MCF2L: variants seen among roughly 807,000 people sequenced by gnomAD.
MCF2L encodes guanine nucleotide exchange factor DBS.
A neutral mutation model predicts 153.4 loss-of-function variants in MCF2L; 97 were observed. The observed-to-expected ratio is 0.63, with a 90% CI of 0.54 to 0.75. The LOEUF (loss-of-function observed/expected upper bound fraction) is 0.75. Among genes scored for constraint, MCF2L ranks in the 30% least tolerant of loss-of-function variants. MCF2L has a pLI of 0.00. For missense variants in MCF2L, 1,347 were observed against 1,495.2 expected (o/e 0.90, Z 1.64); for synonymous variants, 659 against 632.2 (o/e 1.04, Z -0.64).
In MCF2L at chr13:113,023,882, G is replaced by A. The variant is rs1375500751; in HGVS notation, c.164-762G>A. Among the ~76,000 whole-genome samples, 11 of 152,368 alleles carry A rather than the reference G, an allele frequency of 7.2e-5. No homozygotes were observed. The East Asian group carries it at 2.1e-3, about 29-fold the overall frequency. On this transcript the variant is annotated intron_variant, in intron 2 of 29. Coordinates refer to ENST00000535094, the MANE Select transcript of MCF2L (RefSeq NM_001112732.3). ...GGGTACTGGCCTCCTCAGAGCAGGT[G>A]GATGCAGGGTCGTGGGACCACCTGC...
At chr13:113,081,325 G>T in intron 16 of MCF2L, 46 bp downstream of exon 16, 1 of 1,528,564 alleles carries the variant, frequency 6.5e-7, no homozygotes. Flanking sequence ...GGACTCCCCT[G>T]GGCCAGCTGG....
At chr13:112,989,623 C>T (rs867218313) in intron 1 of MCF2L, among the ~76,000 whole-genome samples, 2 of 40,594 alleles carry the variant, frequency 4.9e-5, no homozygotes, top group African/African-American at 1.5e-4. Flanking sequence ...GGAGCTACCA[C>T]GCCCGAGTCC....
chr13:113,000,043 G>A (rs186748059), intron 1 of MCF2L, among the ~76,000 whole-genome samples: 2 of 152,268 alleles, frequency 1.3e-5, no homozygotes, highest in East Asian at 3.9e-4. Context: ...GGGCTGAGGT[G>A]CAGGTGGCAG....
At chr13:112,986,043 G>C (rs932573209) in intron 1 of MCF2L, among the ~76,000 whole-genome samples, 1 of 152,238 alleles carries the variant, frequency 6.6e-6, no homozygotes, top group Non-Finnish European at 1.5e-5. Context: ...CCGTGCGTGG[G>C]GCTGAGCAGG....
Position 113,028,046 on chromosome 13 carries a change from G to A in MCF2L, c.278+3288G>A, listed in dbSNP as rs1301437643. On this transcript the variant is annotated intron_variant, in intron 3 of 29. Transcript: ENST00000535094. The surrounding 1 kb of genome is among the most constrained non-coding windows in gnomAD (Gnocchi z 5.4). ...ATGGGGCTAAATGAGATTCTGTGGTGTCCACACTGAATGCTGACTGGTCAG... is the reference window on the plus strand; with the variant it reads ...ATGGGGCTAAATGAGATTCTGTGGTATCCACACTGAATGCTGACTGGTCAG... Among the ~76,000 whole-genome samples, 1 of 152,204 alleles carries A rather than the reference G, an allele frequency of 6.6e-6. No individual in the cohort carries two copies. The highest frequency in any genetic ancestry group is 6.5e-5 in the Admixed American group (1 of 15,280).
At chr13:112,953,615 C>T (rs2081721156) in intron 2 of MCF2L, among the ~76,000 whole-genome samples, 1 of 152,236 alleles carries the variant, frequency 6.6e-6, no homozygotes, top group Non-Finnish European at 1.5e-5. Context: ...GCAGACTTCA[C>T]CTGTGGCCGG....
Position 113,064,434 on chromosome 13 carries a change from G to A in MCF2L, c.606+14G>A, listed in dbSNP as rs1457503527. 1 of 1,553,972 alleles carries A rather than the reference G, an allele frequency of 6.4e-7. No homozygotes were observed. The highest frequency in any genetic ancestry group is 8.9e-7 in the Non-Finnish European group (1 of 1,128,714). On this transcript the variant is annotated intron_variant, in intron 6 of 29. Coordinates refer to ENST00000535094, the MANE Select transcript of MCF2L (RefSeq NM_001112732.3). This position sits in a 1 kb window ranked among gnomAD's most constrained non-coding sequence, Gnocchi z 6.0. ...TGCCAGCGCACGGTGAGCCGCGTCG[G>A]GGCCAGCGGGGCTGGCTGATACCAG... is the stretch of plus-strand genomic sequence containing the variant.
At position 112,941,363 on chromosome 13, in the gene MCF2L, AAT is replaced by A. The variant is rs914857498; in HGVS notation, c.169+39001_169+39002del. ...ATAATTCAAATAGAAATTATATCAA[AAT>A]ATATATATTTGAATATATTATATAA... On this transcript the variant is annotated intron_variant, in intron 2 of 29. Coordinates refer to the MCF2L transcript ENST00000375608. This position sits in a 1 kb window ranked among gnomAD's most constrained non-coding sequence, Gnocchi z 4.9. Among the ~76,000 whole-genome samples, 53 of 149,072 alleles carry A rather than the reference AAT, an allele frequency of 3.6e-4. No individual in the cohort carries two copies. Among genetic ancestry groups the A allele is most frequent in the Non-Finnish European group, 7.1e-4 (48 of 67,420 alleles).
chr13:112,985,389 G>A (rs530835825), intron 1 of MCF2L: 1 of 470,992 alleles, frequency 2.1e-6, no homozygotes, highest in Non-Finnish European at 4.4e-6. Flanking sequence ...CGCCATGGGG[G>A]ACGGAAAGGC....
chr13:112,936,279 CAAAAAAA>C (rs34826552), intron 2 of MCF2L, among the ~76,000 whole-genome samples: 9 of 74,278 alleles, frequency 1.2e-4, no homozygotes, highest in Middle Eastern at 6.0e-3. Flanking sequence ...GACTCTGTCT[CAAAAAAA>C]AAAAAAAAAA....
At chr13:112,934,074 A>G (rs558367998) in intron 2 of MCF2L, among the ~76,000 whole-genome samples, 8 of 152,250 alleles carry the variant, frequency 5.3e-5, no homozygotes, top group Non-Finnish European at 1.0e-4. Flanking sequence ...CTTTAAAGGT[A>G]TAAGGAAACC....
In MCF2L at chr13:113,020,906, GTA is replaced by G. The variant is rs1457162289; in HGVS notation, c.164-3736_164-3735del. Among the ~76,000 whole-genome samples the G allele has an allele frequency of 4.0e-5, 6 of 151,898 alleles. No individual in the cohort carries two copies. In the East Asian group the frequency reaches 5.8e-4, roughly 15 times the overall value. On this transcript the variant is annotated intron_variant, in intron 2 of 29. Transcript: ENST00000535094. ...TAGATGTGTGTATGTGTAGATGTGT[GTA>G]TGTGTGTGTATGTGTAGTGTGTATG...
intron 2 of MCF2L, among the ~76,000 whole-genome samples, chr13:112,937,961 A>G (rs879527668): frequency 0.039 from 159 of 4,088 alleles, no homozygotes; most frequent in South Asian, 0.062. Flanking sequence ...TATTCAGGTG[A>G]TCTCTGAGTG....
intron 2 of MCF2L, among the ~76,000 whole-genome samples, chr13:112,921,535 T>C (rs2081352992): frequency 6.6e-6 from 1 of 152,170 alleles, no homozygotes; most frequent in African/African-American, 2.4e-5. Context: ...GAAAATTCTG[T>C]CAAGACACAG....
intron 2 of MCF2L, among the ~76,000 whole-genome samples, chr13:112,920,782 G>A (rs2081344228): frequency 6.6e-6 from 1 of 152,068 alleles, no homozygotes; most frequent in Non-Finnish European, 1.5e-5. Flanking sequence ...TCAGAAGGTG[G>A]AGAGGAGGAA....
intron 1 of MCF2L, among the ~76,000 whole-genome samples, chr13:112,999,001 CGATGAGCCCGG>C (rs1230863112): frequency 6.6e-6 from 1 of 152,174 alleles, no homozygotes; most frequent in Non-Finnish European, 1.5e-5. Context: ...ATGGCCACAG[CGATGAGCCCGG>C]GATGGTTTCC....
rs534942095 is a variant in MCF2L at position 113,070,333 on chromosome 13, G to C, written c.996+160G>C. ...TGCCAGGTGGAGCCTGTGAGATTAA[G>C]TCAGGCTGAGCCTTGAAATGCACGA... On this transcript the variant is annotated intron_variant, in intron 9 of 29. Coordinates refer to ENST00000535094, the MANE Select transcript of MCF2L (RefSeq NM_001112732.3). The surrounding 1 kb of genome is among the most constrained non-coding windows in gnomAD (Gnocchi z 5.6). 22 of 496,472 alleles carry C rather than the reference G, an allele frequency of 4.4e-5. No homozygotes were observed. The East Asian group carries it at 7.6e-4, about 17-fold the overall frequency. 30.8% of individuals were successfully genotyped at this position (496,472 alleles called of 1,614,324 possible). A position where few individuals can be genotyped will look rare whatever the true frequency, so the allele number is the denominator to read the frequency against.
chr13:113,074,611 A>G lies in MCF2L; in HGVS notation c.1116+48A>G. 6.2e-7 allele frequency: 1 copy of G among 1,603,626 alleles called. No homozygotes were observed. The highest frequency in any genetic ancestry group is 8.5e-7 in the Non-Finnish European group (1 of 1,172,276). On this transcript the variant is annotated intron_variant, in intron 10 of 29. Coordinates refer to ENST00000535094, the MANE Select transcript of MCF2L (RefSeq NM_001112732.3). This position sits in a 1 kb window ranked among gnomAD's most constrained non-coding sequence, Gnocchi z 4.2. ...GCGGCGGGAGAGTGTGGGCAGCATC[A>G]TCAAGTGCTGCTCAGGAAGGCGCAG...
At position 113,031,173 on chromosome 13, in the gene MCF2L, G is replaced by C. The variant is rs1268371880; in HGVS notation, c.278+6415G>C. Among the ~76,000 whole-genome samples, 1 of 128,222 alleles carries C rather than the reference G, an allele frequency of 7.8e-6. No individual in the cohort carries two copies. The highest frequency in any genetic ancestry group is 1.7e-5 in the Non-Finnish European group (1 of 58,738). The allele number at this position is 128,222 out of a possible 152,430, so 84.1% of individuals were successfully genotyped here. A position where few individuals can be genotyped will look rare whatever the true frequency, so the allele number is the denominator to read the frequency against. On this transcript the variant is annotated intron_variant, in intron 3 of 29. Transcript: ENST00000535094. This position sits in a 1 kb window ranked among gnomAD's most constrained non-coding sequence, Gnocchi z 5.5. ...GAGAGACAGAGAGAAGAGACAGAGA[G>C]TGACAGACAGAGACAGAGAGACAGA... is the stretch of plus-strand genomic sequence containing the variant.
Sources: allele counts gnomAD v4.1 joint callset (sites outside exome capture counted in the v4.1 genomes callset), GRCh38; gene constraint gnomAD v4.1.1; non-coding constraint Gnocchi (gnomAD v3.1); transcripts MANE v1.5; gene names NCBI Gene and HGNC (gene_info 2026-07-23, HGNC 2026-07-21).